The following SETBP1 variants were observed in gnomAD, a reference collection of about 807,000 sequenced individuals.
SETBP1 encodes SET binding protein 1, also known as SET-binding protein.
SETBP1 carries 9 observed loss-of-function variants against 101.0 expected under a neutral mutation model. That is an observed-to-expected ratio of 0.09 (90% CI 0.05 to 0.16). SETBP1 has a LOEUF of 0.16. Among genes scored for constraint, SETBP1 ranks in the 10% least tolerant of loss-of-function variants. The probability of loss-of-function intolerance (pLI) is 1.00; values close to 1 mark genes in which losing one functional copy is unlikely to be tolerated. For synonymous variants in SETBP1, 818 were observed against 788.5 expected, an observed-to-expected ratio of 1.04 and a Z score of -0.63; for missense variants, 1,858 against 2,033.8, an observed-to-expected ratio of 0.91 and a Z score of 1.66.
At chr18:44,905,387 A>T (rs2070150266) in intron 3 of SETBP1, among the ~76,000 whole-genome samples, 1 of 152,190 alleles carries the variant, frequency 6.6e-6, no homozygotes, top group Non-Finnish European at 1.5e-5. Flanking sequence ...GGTGACTCCC[A>T]TAGAATTTGG....
At chr18:44,959,691 T>C (rs976796699) in intron 4 of SETBP1, among the ~76,000 whole-genome samples, 1 of 151,836 alleles carries the variant, frequency 6.6e-6, no homozygotes, top group African/African-American at 2.4e-5. Flanking sequence ...GCCACTGCTG[T>C]GTTCTCAGTG....
At chr18:44,759,127 G>C (rs1043465382) in intron 2 of SETBP1, among the ~76,000 whole-genome samples, 1 of 152,122 alleles carries the variant, frequency 6.6e-6, no homozygotes, top group Non-Finnish European at 1.5e-5. Flanking sequence ...TTTGTGATGT[G>C]GCAAGGGGAA....
intron 2 of SETBP1, among the ~76,000 whole-genome samples, chr18:44,738,316 CT>C (rs1197212566): frequency 6.6e-6 from 1 of 152,212 alleles, no homozygotes; most frequent in African/African-American, 2.4e-5. Flanking sequence ...CAATTCTCTT[CT>C]GGTGTCCATG....
intron 5 of SETBP1, among the ~76,000 whole-genome samples, chr18:45,051,131 C>T (rs1399243258): frequency 6.6e-6 from 1 of 152,172 alleles, no homozygotes; most frequent in Non-Finnish European, 1.5e-5. Context: ...CACTCTCCTA[C>T]TCCACGCATT....
chr18:44,893,280 C>G (rs1354516822), intron 3 of SETBP1, among the ~76,000 whole-genome samples: 1 of 152,192 alleles, frequency 6.6e-6, no homozygotes, highest in Admixed American at 6.5e-5. Flanking sequence ...AAAGGCCAGT[C>G]ATTAGAACTG....
At chr18:44,721,569 C>A (rs2069596630) in intron 2 of SETBP1, among the ~76,000 whole-genome samples, 1 of 140,370 alleles carries the variant, frequency 7.1e-6, no homozygotes, top group East Asian at 2.1e-4. Context: ...TAAATCTCTT[C>A]TTTTCTACCC....
intron 2 of SETBP1, among the ~76,000 whole-genome samples, chr18:44,865,724 G>A (rs2069114048): frequency 6.8e-6 from 1 of 147,358 alleles, no homozygotes; most frequent in African/African-American, 2.5e-5. Context: ...ACCCAGAAAG[G>A]CCAGGAAGGC....
chr18:44,716,626 G>C (rs1208598038), intron 2 of SETBP1, among the ~76,000 whole-genome samples: 1 of 152,222 alleles, frequency 6.6e-6, no homozygotes, highest in Middle Eastern at 3.4e-3. Flanking sequence ...GCAGTGGTGC[G>C]ATCTCGGCTC....
At chr18:44,901,863 C>T (rs2070053898) in intron 3 of SETBP1, among the ~76,000 whole-genome samples, 1 of 152,166 alleles carries the variant, frequency 6.6e-6, no homozygotes, top group Non-Finnish European at 1.5e-5. Context: ...TTAAGAATCA[C>T]TACTTTTTAT....
chr18:44,928,580 C>T (rs1367115453), intron 3 of SETBP1, among the ~76,000 whole-genome samples: 1 of 152,234 alleles, frequency 6.6e-6, no homozygotes, highest in Non-Finnish European at 1.5e-5. Flanking sequence ...TCCACATCCT[C>T]TCCAGCACCT....
intron 2 of SETBP1, among the ~76,000 whole-genome samples, chr18:44,727,862 T>G (rs1244446574): frequency 6.6e-6 from 1 of 152,170 alleles, no homozygotes; most frequent in Non-Finnish European, 1.5e-5. Context: ...CTTGGTCTTA[T>G]CTAACCCTCA....
intron 3 of SETBP1, chr18:44,870,398 G>A (rs1439974809): frequency 6.6e-6 from 1 of 152,184 alleles, no homozygotes. Context: ...GCTAGAGGAA[G>A]AGAATTAACA....
chr18:44,993,871 C>T (rs1249421673), intron 4 of SETBP1, among the ~76,000 whole-genome samples: 2 of 151,980 alleles, frequency 1.3e-5, no homozygotes, highest in South Asian at 2.1e-4. Context: ...ATACAAAACC[C>T]ACTTTTAGAT....
chr18:45,058,937 A>G (rs1350189276), intron 5 of SETBP1, among the ~76,000 whole-genome samples: 1 of 152,166 alleles, frequency 6.6e-6, no homozygotes, highest in Non-Finnish European at 1.5e-5. Context: ...TGGATGCATG[A>G]CCTTCACGGG....
intron 4 of SETBP1, among the ~76,000 whole-genome samples, chr18:45,016,314 G>A (rs2072939487): frequency 6.6e-6 from 1 of 152,112 alleles, no homozygotes; most frequent in Non-Finnish European, 1.5e-5. Context: ...GCTAAGCCAG[G>A]GTGCAACTGA....
chr18:44,840,392 C>G (rs994208175), intron 2 of SETBP1, among the ~76,000 whole-genome samples: 1 of 152,178 alleles, frequency 6.6e-6, no homozygotes, highest in Non-Finnish European at 1.5e-5. Context: ...GCATAGCACA[C>G]CTCTTTTGCA....
chr18:44,797,316 T>C (rs1013876947), intron 2 of SETBP1, among the ~76,000 whole-genome samples: 1 of 152,244 alleles, frequency 6.6e-6, no homozygotes, highest in African/African-American at 2.4e-5. Context: ...CTCCTAAGCT[T>C]CAATTTATAC....
At chr18:44,876,060 T>C (rs575536731) in intron 3 of SETBP1, among the ~76,000 whole-genome samples, 1 of 152,338 alleles carries the variant, frequency 6.6e-6, no homozygotes, top group East Asian at 1.9e-4. Flanking sequence ...ATAGAGGGAA[T>C]TGCTGCATAG....
chr18:44,869,159 G>T, intron 2 of SETBP1, 71 bp from the exon 3 acceptor site: 2 of 1,335,006 alleles, frequency 1.5e-6, no homozygotes, highest in Non-Finnish European at 2.2e-6. Context: ...TCCATTGCTG[G>T]TCAGTTGTCG....
Sources: gnomAD v4.1 joint callset for allele counts (sites outside exome capture counted in the v4.1 genomes callset) on GRCh38, gnomAD v4.1.1 for gene constraint, MANE v1.5 for transcripts, NCBI Gene and HGNC (gene_info 2026-07-23, HGNC 2026-07-21) for gene names.